The following GSS variants were observed in gnomAD, a reference collection of about 807,000 sequenced individuals.
GSS encodes GSH synthetase.
GSS carries 34 observed loss-of-function variants against 60.4 expected under a neutral mutation model. That is an observed-to-expected ratio of 0.56 (90% confidence interval 0.43 to 0.75). The LOEUF (loss-of-function observed/expected upper bound fraction) is 0.75, where lower values mean the gene tolerates loss of function less well. GSS is among the 30% of genes least tolerant of loss of function. GSS has a pLI of 0.00. For synonymous variants in GSS, 224 were observed against 239.0 expected (o/e 0.94, Z 0.58); for missense variants, 499 against 595.1 (o/e 0.84, Z 1.68).
rs368067736 is a variant in GSS at position 34,951,670 on chromosome 20, C to A, written c.129+54G>T. The A allele has an allele frequency of 2.6e-6, 4 of 1,563,552 alleles. No individual in the cohort carries two copies. In the Admixed American group the frequency reaches 5.7e-5, roughly 22 times the overall value. On this transcript the variant is annotated intron_variant, in intron 2 of 12. Transcript: ENST00000651619. ...GCAAAGGAGTGACCCTCAGCCTGGC[C>A]GGGGCCAGACAGTGGGCCATGGTGA...
intron 3 of GSS, among the ~76,000 whole-genome samples, chr20:34,944,625 G>T (rs2081506987): frequency 6.6e-6 from 1 of 152,232 alleles, no homozygotes; most frequent in Non-Finnish European, 1.5e-5. Context: ...CTTGGGACCA[G>T]AAGTCTTTCG....
At position 34,942,519 on chromosome 20, in the gene GSS, C is replaced by T. The variant is rs762370269; in HGVS notation, c.460G>A (p.Gly154Ser). Residue 154 changes from glycine (G) to serine (S), a missense_variant, in exon 5 of 13, where the codon GGC becomes AGC. Physicochemically the swap from Gly to Ser is moderately conservative, Grantham distance 56. Coordinates refer to ENST00000651619, the MANE Select transcript of GSS (RefSeq NM_000178.4). ...EINTISASFG[G>S]LASRTPAVHR... ...ACAGCTGGGGTCCGGGAGGCCAGGC[C>T]CCCAAAGCTGGCAGAGATGGTGTTG... 2 of 1,613,994 alleles carry T rather than the reference C, an allele frequency of 1.2e-6. No homozygotes were observed. The highest frequency in any genetic ancestry group is 8.5e-7 in the Non-Finnish European group (1 of 1,179,978).
At chr20:34,931,545 G>C in intron 10 of GSS, 128 bp from the exon 11 acceptor site, 1 of 766,554 alleles carries the variant, frequency 1.3e-6, no homozygotes, top group Non-Finnish European at 2.3e-6. Context: ...AATTCCTTCA[G>C]GCAGGATGCT....
At chr20:34,942,425 G>A in intron 5 of GSS, 63 bp downstream of exon 5, 1 of 1,484,426 alleles carries the variant, frequency 6.7e-7, no homozygotes. Context: ...GGCCTAGCCA[G>A]TGACTGTACA....
intron 3 of GSS, among the ~76,000 whole-genome samples, chr20:34,944,002 C>A (rs2081503626): frequency 6.6e-6 from 1 of 152,210 alleles, no homozygotes; most frequent in Non-Finnish European, 1.5e-5. Context: ...CACCTTGTTA[C>A]AGAAACGTCA....
chr20:34,941,094 T>C (rs981211832), intron 6 of GSS, among the ~76,000 whole-genome samples: 3 of 152,128 alleles, frequency 2.0e-5, no homozygotes, highest in Non-Finnish European at 4.4e-5. Flanking sequence ...CAGTGGCTCA[T>C]GCCTGTAATC....
chr20:34,944,450 T>G (rs1279749464), intron 3 of GSS, among the ~76,000 whole-genome samples: 1 of 152,114 alleles, frequency 6.6e-6, no homozygotes, highest in Non-Finnish European at 1.5e-5. Context: ...ACTCATTGGG[T>G]TTTTGGCTAC....
At chr20:34,929,292 A>G in intron 12 of GSS, 109 bp downstream of exon 12, 1 of 963,842 alleles carries the variant, frequency 1.0e-6, no homozygotes, top group South Asian at 1.3e-5. Flanking sequence ...CAGAGCTGGC[A>G]CCGAAGCCCA....
At chr20:34,950,519 A>G (rs535155826) in intron 2 of GSS, among the ~76,000 whole-genome samples, 8 of 152,072 alleles carry the variant, frequency 5.3e-5, no homozygotes, top group African/African-American at 1.7e-4. Flanking sequence ...AATCCCAGCA[A>G]TTTTGGGGGG....
chr20:34,943,791 G>A (rs2081502552), intron 3 of GSS, among the ~76,000 whole-genome samples: 1 of 152,118 alleles, frequency 6.6e-6, no homozygotes, highest in South Asian at 2.1e-4. Flanking sequence ...CCTCATGAAG[G>A]TAATGGCTGT....
At chr20:34,951,630 GA>G in intron 2 of GSS, 93 bp downstream of exon 2, 14 of 1,375,724 alleles carry the variant, frequency 1.0e-5, no homozygotes, top group Non-Finnish European at 1.4e-5. Context: ...AGGCAAAAGA[GA>G]TATGGTCCCT....
chr20:34,936,218 A>C (rs1218494346), intron 8 of GSS, among the ~76,000 whole-genome samples: 2 of 152,238 alleles, frequency 1.3e-5, no homozygotes, highest in South Asian at 2.1e-4. Context: ...ACATTTTGAA[A>C]AACAGTGAGT....
At chr20:34,938,012 C>T (rs1217049764) in intron 6 of GSS, among the ~76,000 whole-genome samples, 1 of 152,132 alleles carries the variant, frequency 6.6e-6, no homozygotes, top group East Asian at 1.9e-4. Flanking sequence ...TGTGCACCAC[C>T]CCCGCCGGCT....
chr20:34,955,021 T>C (rs1265992355), intron 1 of GSS: 1 of 152,252 alleles, frequency 6.6e-6, no homozygotes, highest in Non-Finnish European at 1.5e-5. Context: ...CCAGGATATG[T>C]TGGCCTCTGT....
intron 9 of GSS, among the ~76,000 whole-genome samples, chr20:34,933,182 C>T (rs1410468748): frequency 6.6e-6 from 1 of 152,140 alleles, no homozygotes; most frequent in Non-Finnish European, 1.5e-5. Context: ...ATTTCTCTGA[C>T]CAGACTGTGA....
At chr20:34,931,840 C>T in intron 10 of GSS, 99 bp downstream of exon 10, 1 of 1,133,818 alleles carries the variant, frequency 8.8e-7, no homozygotes, top group Non-Finnish European at 1.3e-6. Flanking sequence ...CTCCACCTTC[C>T]CCTTGTCACA....
In GSS at chr20:34,929,576, C is replaced by A; in HGVS notation, c.1126G>T (p.Gly376Trp). 6.2e-7 allele frequency: 1 copy of A among 1,613,950 alleles called. No homozygotes were observed. The highest frequency in any genetic ancestry group is 8.5e-7 in the Non-Finnish European group (1 of 1,179,842). Reference sequence around the variant, plus strand: ...TTCAGGGCCTGTACCATTTCCTCCCCATATAGGTTGTTACCTGCAATGAAA... The same window carrying A: ...TTCAGGGCCTGTACCATTTCCTCCCAATATAGGTTGTTACCTGCAATGAAA... ...QREGGGNNLY[G>W]EEMVQALKQL... Residue 376 changes from glycine to tryptophan, a missense_variant, in exon 12 of 13, where the codon GGG (glycine) becomes TGG (tryptophan). Physicochemically the swap from Gly to Trp is radical, Grantham distance 184. Coordinates refer to ENST00000651619, the MANE Select transcript of GSS (RefSeq NM_000178.4).
intron 11 of GSS, among the ~76,000 whole-genome samples, chr20:34,929,989 C>T (rs535838782): frequency 3.3e-5 from 5 of 152,180 alleles, no homozygotes; most frequent in Admixed American, 6.5e-5. Flanking sequence ...AACTTCCGGC[C>T]GGGCATGGTG....
chr20:34,934,677 C>A (rs1791645569), intron 9 of GSS, among the ~76,000 whole-genome samples: 1 of 152,188 alleles, frequency 6.6e-6, no homozygotes, highest in Non-Finnish European at 1.5e-5. Flanking sequence ...TATCGAGATA[C>A]CACCTCTATA....
Sources: gnomAD v4.1 joint callset for allele counts (sites outside exome capture counted in the v4.1 genomes callset) on GRCh38, gnomAD v4.1.1 for gene constraint, MANE v1.5 for transcripts, NCBI Gene and HGNC (gene_info 2026-07-23, HGNC 2026-07-21) for gene names.